Variants in UST observed in about 807,000 individuals in gnomAD.
UST encodes the protein chondroitin sulfate 2-O-sulfotransferase.
In UST, 21 loss-of-function variants were observed where a neutral mutation model predicts 45.6. The ratio of observed to expected loss-of-function variants is 0.46; its 90% CI spans 0.33 to 0.66. UST has a LOEUF of 0.66. UST is among the 30% of genes least tolerant of loss of function. The probability of loss-of-function intolerance (pLI) is 0.02; values close to 1 mark genes in which losing one functional copy is unlikely to be tolerated. For synonymous variants in UST, 215 were observed against 200.6 expected (o/e 1.07, Z -0.61); for missense variants, 463 against 512.4 (o/e 0.90, Z 0.93).
At chr6:148,854,456 G>A (rs1185336612) in intron 1 of UST, among the ~76,000 whole-genome samples, 2 of 152,124 alleles carry the variant, frequency 1.3e-5, no homozygotes, top group African/African-American at 4.8e-5. Flanking sequence ...ATTTAATTTT[G>A]TCTAAATGTG....
intron 2 of UST, among the ~76,000 whole-genome samples, chr6:148,920,514 G>A (rs983988889): frequency 7.2e-5 from 11 of 151,950 alleles, no homozygotes; most frequent in Admixed American, 7.2e-4. Flanking sequence ...GCCCACCCTC[G>A]AGAGGTTTCT....
intron 7 of UST, among the ~76,000 whole-genome samples, chr6:149,039,124 T>C (rs1457748157): frequency 6.6e-6 from 1 of 152,216 alleles, no homozygotes; most frequent in East Asian, 1.9e-4. Flanking sequence ...TCCTGTGTTC[T>C]CTGCCTTTCC....
intron 1 of UST, among the ~76,000 whole-genome samples, chr6:148,834,563 T>C (rs769946344): frequency 6.6e-6 from 1 of 152,098 alleles, no homozygotes; most frequent in Non-Finnish European, 1.5e-5. Context: ...GACGAAACCC[T>C]GTCCATACAA....
At chr6:149,000,192 C>T (rs905079748) in intron 5 of UST, among the ~76,000 whole-genome samples, 4 of 152,144 alleles carry the variant, frequency 2.6e-5, no homozygotes, top group South Asian at 4.1e-4. Flanking sequence ...GGAAGTTAAA[C>T]GTAGCAACTG....
intron 7 of UST, among the ~76,000 whole-genome samples, chr6:149,061,113 T>G (rs955064718): frequency 2.6e-5 from 4 of 151,928 alleles, no homozygotes; most frequent in African/African-American, 9.7e-5. Flanking sequence ...TTTGTTATTT[T>G]GCGTATGGTT....
At chr6:148,977,207 A>G (rs1781031636) in intron 5 of UST, among the ~76,000 whole-genome samples, 1 of 151,750 alleles carries the variant, frequency 6.6e-6, no homozygotes, top group African/African-American at 2.4e-5. Flanking sequence ...TGTTCCATTA[A>G]TGTGTATCTT....
chr6:149,017,352 G>A (rs575525551), intron 5 of UST, among the ~76,000 whole-genome samples: 1 of 152,002 alleles, frequency 6.6e-6, no homozygotes, highest in South Asian at 2.1e-4. Context: ...AGTCCAGCCT[G>A]GGGGACAGCA....
At chr6:148,988,878 T>C (rs997413984) in intron 5 of UST, among the ~76,000 whole-genome samples, 1 of 152,170 alleles carries the variant, frequency 6.6e-6, no homozygotes, top group African/African-American at 2.4e-5. Context: ...CTCCTGTTAA[T>C]TCACTGATCC....
chr6:148,865,058 A>G (rs1221511851), intron 1 of UST, among the ~76,000 whole-genome samples: 1 of 152,232 alleles, frequency 6.6e-6, no homozygotes, highest in Non-Finnish European at 1.5e-5. Context: ...TGTGAACATT[A>G]TGTTGGCTTG....
intron 7 of UST, among the ~76,000 whole-genome samples, chr6:149,025,591 GAAGCAAC>G (rs1227630542): frequency 1.3e-5 from 2 of 152,236 alleles, no homozygotes; most frequent in Non-Finnish European, 2.9e-5. Context: ...TTACTCGGTA[GAAGCAAC>G]CTCACTGGTT....
intron 1 of UST, among the ~76,000 whole-genome samples, chr6:148,830,699 C>T (rs980159361): frequency 6.6e-5 from 10 of 152,212 alleles, no homozygotes; most frequent in African/African-American, 2.4e-4. Context: ...GTGAAAGGAG[C>T]AAGATGCAAA....
At chr6:148,805,311 T>C (rs569806841) in intron 1 of UST, among the ~76,000 whole-genome samples, 1 of 152,338 alleles carries the variant, frequency 6.6e-6, no homozygotes, top group South Asian at 2.1e-4. Context: ...GTAGAAATGT[T>C]CACAAATCAT....
intron 7 of UST, among the ~76,000 whole-genome samples, chr6:149,056,463 T>C (rs1396744328): frequency 6.6e-6 from 1 of 152,182 alleles, no homozygotes; most frequent in African/African-American, 2.4e-5. Context: ...CCTCACATGG[T>C]CCTGGTGTCT....
At chr6:148,767,160 T>A (rs937309512) in intron 1 of UST, among the ~76,000 whole-genome samples, 1 of 152,216 alleles carries the variant, frequency 6.6e-6, no homozygotes, top group Non-Finnish European at 1.5e-5. Flanking sequence ...TGGGAAATAA[T>A]GAATACCTGT....
At chr6:148,926,092 T>G (rs1016396970) in intron 2 of UST, among the ~76,000 whole-genome samples, 1 of 152,210 alleles carries the variant, frequency 6.6e-6, no homozygotes. Flanking sequence ...AATGACAGAC[T>G]TTTAAAGTAA....
chr6:148,888,954 C>T, intron 2 of UST, among the ~76,000 whole-genome samples: 1 of 152,242 alleles, frequency 6.6e-6, no homozygotes, highest in Middle Eastern at 3.2e-3. Context: ...TGCACAGAGG[C>T]ACATCATGAC....
At chr6:148,941,103 A>G (rs1420638977) in intron 2 of UST, among the ~76,000 whole-genome samples, 176 bp from the exon 3 acceptor site, 1 of 152,268 alleles carries the variant, frequency 6.6e-6, no homozygotes, top group Non-Finnish European at 1.5e-5. Flanking sequence ...TATCATGAAG[A>G]TAAATATAGT....
At chr6:149,004,887 G>A (rs1781618323) in intron 5 of UST, among the ~76,000 whole-genome samples, 3 of 152,130 alleles carry the variant, frequency 2.0e-5, no homozygotes. Flanking sequence ...AGGCCGGAAT[G>A]CAGTGGTGCG....
At position 148,880,286 on chromosome 6, in the gene UST, T is replaced by C. The variant is rs1778800086; in HGVS notation, c.248-6700T>C. On this transcript the variant is annotated intron_variant, in intron 1 of 7. Transcript: ENST00000367463. The stretch of plus-strand genomic sequence containing the variant: ...CTGACTTTTCATATCCATTGTCTTG[T>C]CATAGAAGACTTAGGTGGTCTTGGA... Among the ~76,000 whole-genome samples, 5 of 152,142 alleles carry C rather than the reference T, an allele frequency of 3.3e-5. No homozygotes were observed. In the South Asian group the frequency reaches 1.0e-3, roughly 32 times the overall value.
Sources: gnomAD v4.1 joint callset for allele counts (sites outside exome capture counted in the v4.1 genomes callset) on GRCh38, gnomAD v4.1.1 for gene constraint, MANE v1.5 for transcripts, NCBI Gene and HGNC (gene_info 2026-07-23, HGNC 2026-07-21) for gene names.